MGAM: variants seen among roughly 807,000 people sequenced by gnomAD.
MGAM encodes alpha-1,4-glucosidase.
A neutral mutation model predicts 358.8 loss-of-function variants in MGAM; 253 were observed. The ratio of observed to expected loss-of-function variants is 0.71; its 90% CI spans 0.64 to 0.78. MGAM has a LOEUF of 0.78. MGAM is among the 30% of genes least tolerant of loss of function. The pLI is 0.00. For missense variants in MGAM, 3,080 were observed against 3,432.6 expected (o/e 0.90, Z 2.57); for synonymous variants, 1,105 against 1,227.1 (o/e 0.90, Z 2.08).
At chr7:142,060,261 G>T in intron 33 of MGAM, 50 bp from the exon 34 acceptor site, 1 of 1,595,044 alleles carries the variant, frequency 6.3e-7, no homozygotes, top group Non-Finnish European at 8.6e-7. Context: ...GAAATACTAT[G>T]TAAGGGAAAT....
Position 142,045,036 on chromosome 7 carries a change from G to T in MGAM, c.2499-2749G>T, listed in dbSNP as rs1329699687. 5.4e-5 allele frequency among the ~76,000 whole-genome samples: 5 copies of T among 92,416 alleles called. 1 individual carries two copies. Among genetic ancestry groups the T allele is most frequent in the Non-Finnish European group, 1.1e-4 (5 of 47,270 alleles). 60.6% of individuals were successfully genotyped at this position (92,416 alleles called of 152,430 possible). On this transcript the variant is annotated intron_variant, in intron 21 of 70. Coordinates refer to ENST00000475668, the MANE Select transcript of MGAM (RefSeq NM_001365693.1). ...TATAATATGTATATTGTATACACGT[G>T]TAATATATGATATATAATATGTATA... is the stretch of plus-strand genomic sequence containing the variant.
In MGAM at chr7:142,063,015, A is replaced by G. The variant is rs10282020; in HGVS notation, c.4257+313A>G. 4.6e-4 allele frequency among the ~76,000 whole-genome samples: 70 copies of G among 152,290 alleles called. 1 individual carries two copies. The highest frequency in any genetic ancestry group is 1.5e-3 in the African/African-American group (63 of 41,574). On this transcript the variant is annotated intron_variant, in intron 35 of 70. Coordinates refer to ENST00000475668, the MANE Select transcript of MGAM (RefSeq NM_001365693.1). ...GGAGTTTGAGACCAGCCTGACCAAC[A>G]TGGAGAAACTCCGTCTCTACTAAAA...
rs116994964 is a variant in MGAM at position 142,087,586 on chromosome 7, T to A, written c.6810+869T>A. On this transcript the variant is annotated intron_variant, in intron 57 of 70. Coordinates refer to ENST00000475668, the MANE Select transcript of MGAM (RefSeq NM_001365693.1). ...TACCTCTGGAGCTGTTCTTCAATAA[T>A]GCCTATTCTTTCTGGGCAGGAATTG... Among the ~76,000 whole-genome samples the A allele has an allele frequency of 6.3e-3, 925 of 146,406 alleles. 144 individuals carry two copies. The highest frequency in any genetic ancestry group is 0.01 in the Non-Finnish European group (667 of 64,600).
intron 2 of MGAM, among the ~76,000 whole-genome samples, chr7:141,987,802 T>C (rs2128968409): frequency 6.6e-6 from 1 of 152,368 alleles, no homozygotes; most frequent in African/African-American, 2.4e-5. Context: ...TTTCTGTATT[T>C]ACTGCTTTCA....
At chr7:142,033,261 C>T (rs1554464486) in intron 14 of MGAM, among the ~76,000 whole-genome samples, 1 of 152,078 alleles carries the variant, frequency 6.6e-6, no homozygotes, top group Admixed American at 6.5e-5. Flanking sequence ...CACCAGGTAA[C>T]CAGCCTTGGT....
Position 142,056,019 on chromosome 7 carries a change from G to A in MGAM, c.3503G>A (p.Gly1168Asp). ...CCCCAGTACAAGAAGAATTCCTATG[G>A]TGTCCACCCCTACTACATGGGGCTG... The part of the protein sequence containing the change: ...QPPGYKKNSY[G>D]VHPYYMGLEE... The change falls in exon 29 of 71, where the codon GGT becomes GAT. Residue 1168 changes from glycine (G) to aspartate (D), a missense_variant. Gly to Asp is a moderately conservative substitution (Grantham distance 94, BLOSUM62 -1). This residue lies in a region of MGAM where 1,816 missense variants were observed against 1,840.5 expected (regional missense o/e 0.99). Coordinates refer to ENST00000475668, the MANE Select transcript of MGAM (RefSeq NM_001365693.1). 6.2e-7 allele frequency: 1 copy of A among 1,611,646 alleles called. No individual in the cohort carries two copies. The highest frequency in any genetic ancestry group is 1.7e-4 in the Middle Eastern group (1 of 6,060).
intron 42 of MGAM, among the ~76,000 whole-genome samples, chr7:142,067,675 C>A (rs1235151904): frequency 1.4e-5 from 2 of 142,002 alleles, no homozygotes; most frequent in Non-Finnish European, 3.2e-5. Flanking sequence ...ATGGAATAGT[C>A]AATGACACAA....
intron 21 of MGAM, among the ~76,000 whole-genome samples, chr7:142,045,224 A>ATC (rs1809986485): frequency 5.0e-5 from 1 of 20,030 alleles, no homozygotes; most frequent in Non-Finnish European, 1.3e-4. Flanking sequence ...TATGTATATA[A>ATC]TATATATTAT....
chr7:142,010,456 C>A (rs1443141683), intron 3 of MGAM, among the ~76,000 whole-genome samples: 2 of 151,690 alleles, frequency 1.3e-5, no homozygotes, highest in Non-Finnish European at 2.9e-5. Flanking sequence ...TTGGCTCATC[C>A]CTTCTATCCC....
chr7:142,022,423 A>G lies in MGAM; in HGVS notation c.866A>G (p.Asp289Gly). ...NWKTWPIFNR[D>G]TTPNGNGTNL... Reference sequence around the variant, plus strand: ...AAGACCTGGCCCATATTTAACAGAGACACAACTCCCAATGGAGTAAGCTTT... The same window carrying G: ...AAGACCTGGCCCATATTTAACAGAGGCACAACTCCCAATGGAGTAAGCTTT... The change falls in exon 7 of 71, where the codon GAC (aspartate) becomes GGC (glycine). Residue 289 changes from aspartate to glycine, a missense_variant. Physicochemically the swap from Asp to Gly is moderately conservative, Grantham distance 94 (BLOSUM62 -1). Coordinates refer to ENST00000475668, the MANE Select transcript of MGAM (RefSeq NM_001365693.1). 6.2e-7 allele frequency: 1 copy of G among 1,613,336 alleles called. No homozygotes were observed. Among genetic ancestry groups the G allele is most frequent in the East Asian group, 2.2e-5 (1 of 44,860 alleles).
Position 141,990,377 on chromosome 7 carries a change from T to C in MGAM, c.-2-15152T>C, listed in dbSNP as rs566481573. ...TGTGGATACTTAGTCTGCTTGGAGG[T>C]GTGGGGAGAAGTAATATTCTTCTGG... is the stretch of plus-strand genomic sequence containing the variant. On this transcript the variant is annotated intron_variant, in intron 2 of 5. Transcript: ENST00000465654. Among the ~76,000 whole-genome samples, 16 of 152,156 alleles carry C rather than the reference T, an allele frequency of 1.1e-4. 1 individual carries two copies. The highest frequency in any genetic ancestry group is 9.8e-4 in the Admixed American group (15 of 15,284).
chr7:141,990,868 C>A (rs1803915036), intron 2 of MGAM, among the ~76,000 whole-genome samples: 1 of 152,154 alleles, frequency 6.6e-6, no homozygotes. Context: ...CCCACTTCCA[C>A]CCAGCTATGG....
At chr7:142,067,670 A>G (rs1310624778) in intron 42 of MGAM, among the ~76,000 whole-genome samples, 1 of 142,528 alleles carries the variant, frequency 7.0e-6, no homozygotes, top group Non-Finnish European at 1.6e-5. Flanking sequence ...ACCTCATGGA[A>G]TAGTCAATGA....
Position 142,066,660 on chromosome 7 carries a change from T to C in MGAM, c.4858T>C (p.Tyr1620His). Residue 1620 changes from tyrosine (Y) to histidine (H), a missense_variant, in exon 41 of 71, where the codon TAT becomes CAT. By Grantham distance (83) the Tyr-to-His change is moderately conservative. Around this residue, in one of 5 missense-constraint regions of MGAM, gnomAD observed 134 missense variants for 198.4 expected, o/e 0.68. Coordinates refer to ENST00000475668, the MANE Select transcript of MGAM (RefSeq NM_001365693.1). ...QTRYTLLPYL[Y>H]TLMQKAHTEG... is the part of the protein sequence containing the mutation. ...CAGATACACCCTGTTGCCATATCTG[T>C]ATACCTTGATGCAAAAGGCCCACAC... 6.4e-7 allele frequency: 1 copy of C among 1,556,216 alleles called. No homozygotes were observed. Among genetic ancestry groups the C allele is most frequent in the Non-Finnish European group, 8.8e-7 (1 of 1,132,646 alleles).
chr7:142,030,155 AG>A, intron 10 of MGAM: 1 of 532,928 alleles, frequency 1.9e-6, no homozygotes, highest in Non-Finnish European at 3.3e-6. Context: ...GATGGCAGGG[AG>A]GGGGCCAAGC....
chr7:142,104,918 G>T (rs1164890446), intron 70 of MGAM, among the ~76,000 whole-genome samples: 1 of 152,016 alleles, frequency 6.6e-6, no homozygotes, highest in Non-Finnish European at 1.5e-5. Context: ...CCTTCCTGAT[G>T]ATTAAGCCTG....
intron 65 of MGAM, 29 bp downstream of exon 65, chr7:142,096,444 G>A (rs62479365): frequency 6.2e-7 from 1 of 1,610,104 alleles, no homozygotes; most frequent in South Asian, 1.1e-5. Context: ...GATGAGGGGA[G>A]GATCCCAGCT....
intron 14 of MGAM, among the ~76,000 whole-genome samples, chr7:142,033,295 T>A (rs1042413030): frequency 2.0e-5 from 3 of 152,182 alleles, no homozygotes; most frequent in Non-Finnish European, 4.4e-5. Flanking sequence ...TTATGTCTGA[T>A]GTGTCCACAG....
Position 142,089,556 on chromosome 7 carries a change from A to G in MGAM, c.6811-2357A>G, listed in dbSNP as rs1355054977. On this transcript the variant is annotated intron_variant, in intron 57 of 70. Coordinates refer to ENST00000475668, the MANE Select transcript of MGAM (RefSeq NM_001365693.1). ...GGTGGCTCATGCCTGCAATCCCAGC[A>G]CTTTGGGAGGCTGATCACGAGGTCA... is the stretch of plus-strand genomic sequence containing the variant. Among the ~76,000 whole-genome samples the G allele has an allele frequency of 3.4e-5, 5 of 146,300 alleles. 2 individuals are homozygous for G. Among genetic ancestry groups the G allele is most frequent in the Non-Finnish European group, 7.7e-5 (5 of 64,610 alleles).
Sources: allele counts gnomAD v4.1 joint callset (sites outside exome capture counted in the v4.1 genomes callset), GRCh38; gene constraint gnomAD v4.1.1; regional missense constraint gnomAD v4.1.1; transcripts MANE v1.5; gene names NCBI Gene and HGNC (gene_info 2026-07-23, HGNC 2026-07-21).